Variants in RBFOX1 observed in about 807,000 individuals in gnomAD.
The protein encoded by RBFOX1 is RNA binding protein fox-1 homolog 1.
Under a neutral mutation model 57.7 loss-of-function variants are expected in RBFOX1, and 8 were observed. The observed-to-expected ratio is 0.14, with a 90% CI of 0.08 to 0.25. The LOEUF (loss-of-function observed/expected upper bound fraction) is 0.25. Ranked by LOEUF, RBFOX1 falls within the 10% of genes least tolerant of loss-of-function variation. RBFOX1 has a pLI of 1.00. For missense variants in RBFOX1, 611 were observed against 548.5 expected (o/e 1.11, Z -1.14); for synonymous variants, 326 against 222.4 (o/e 1.47, Z -4.15).
At chr16:6,845,524 G>A (rs1036116874) in intron 3 of RBFOX1, among the ~76,000 whole-genome samples, 2 of 152,128 alleles carry the variant, frequency 1.3e-5, no homozygotes, top group Non-Finnish European at 1.5e-5. Flanking sequence ...TCTGTGTTCT[G>A]TTCCGTTGGT....
chr16:6,465,936 C>G (rs754533479), intron 2 of RBFOX1, among the ~76,000 whole-genome samples: 3 of 151,470 alleles, frequency 2.0e-5, no homozygotes, highest in Non-Finnish European at 4.4e-5. Flanking sequence ...CTTAGTTTAA[C>G]CAAAAAGAAA....
intron 2 of RBFOX1, among the ~76,000 whole-genome samples, chr16:6,465,659 G>A (rs943987693): frequency 2.5e-4 from 35 of 141,306 alleles, no homozygotes; most frequent in Non-Finnish European, 3.9e-4. Context: ...TAAATTAAGC[G>A]CTATTGGAGC....
chr16:6,189,645 G>T (rs1392341056), intron 1 of RBFOX1, among the ~76,000 whole-genome samples: 3 of 152,166 alleles, frequency 2.0e-5, no homozygotes, highest in Non-Finnish European at 4.4e-5. Context: ...AAGGACAGCT[G>T]GTGGTTGCAT....
In RBFOX1 at chr16:6,626,713, T is replaced by C. The variant is rs147806693; in HGVS notation, c.-63-27890T>C. Among the ~76,000 whole-genome samples the C allele has an allele frequency of 4.8e-3, 734 of 152,034 alleles. 5 individuals carry two copies. Among genetic ancestry groups the C allele is most frequent in the African/African-American group, 0.017 (702 of 41,498 alleles). On this transcript the variant is annotated intron_variant, in intron 2 of 15. Transcript: ENST00000550418. ...AGACAGAGGTTGCAGTGAGCCAAGA[T>C]TGCACCACAGCACCCCAGCCTGGAT...
intron 3 of RBFOX1, among the ~76,000 whole-genome samples, chr16:6,884,600 A>AT (rs1259442118): frequency 3.9e-5 from 6 of 152,244 alleles, no homozygotes; most frequent in Non-Finnish European, 5.9e-5. Context: ...AGATTAAAAA[A>AT]CAAAAAAAAC....
intron 14 of RBFOX1, among the ~76,000 whole-genome samples, chr16:7,689,244 G>A (rs2147275281): frequency 6.6e-6 from 1 of 152,132 alleles, no homozygotes; most frequent in Middle Eastern, 3.4e-3. Context: ...ACTCAATTTG[G>A]CCATTTCATC....
Position 7,513,098 on chromosome 16 carries a change from C to G in RBFOX1, c.28-5049C>G, listed in dbSNP as rs543501461. 2.6e-5 allele frequency among the ~76,000 whole-genome samples: 4 copies of G among 151,974 alleles called. No homozygotes were observed. In the South Asian group the frequency reaches 8.3e-4, roughly 32 times the overall value. On this transcript the variant is annotated intron_variant, in intron 4 of 15. Coordinates refer to ENST00000550418, the MANE Select transcript of RBFOX1 (RefSeq NM_018723.4). ...GGCCAACAGTAAAACGCCGTCTCTA[C>G]TAAAAATACAAAAAATTAGCCAGTC...
chr16:5,360,899 C>G (rs1308721173), intron 1 of RBFOX1, among the ~76,000 whole-genome samples: 1 of 152,138 alleles, frequency 6.6e-6, no homozygotes, highest in Non-Finnish European at 1.5e-5. Context: ...GCAGCACAAG[C>G]ACATCAAGAG....
intron 3 of RBFOX1, among the ~76,000 whole-genome samples, chr16:5,856,604 T>TATATATATATATATATATATA (rs776623035): frequency 1.2e-4 from 8 of 68,104 alleles, no homozygotes; most frequent in Non-Finnish European, 1.5e-4. Flanking sequence ...TATATATATA[T>TATATATATATATATATATATA]AATCTTAGCC....
intron 5 of RBFOX1, among the ~76,000 whole-genome samples, chr16:7,531,588 A>C (rs1362348816): frequency 2.6e-5 from 4 of 152,148 alleles, no homozygotes; most frequent in African/African-American, 9.7e-5. Flanking sequence ...GTCTTCCATG[A>C]GCCATGCACT....
intron 1 of RBFOX1, among the ~76,000 whole-genome samples, chr16:5,313,655 C>G (rs35268438): frequency 6.6e-6 from 1 of 151,910 alleles, no homozygotes; most frequent in Non-Finnish European, 1.5e-5. Context: ...ACATGGATGG[C>G]GGCAGACAAA....
chr16:6,837,394 C>G (rs1029889007), intron 3 of RBFOX1, among the ~76,000 whole-genome samples: 1 of 152,180 alleles, frequency 6.6e-6, no homozygotes, highest in African/African-American at 2.4e-5. Flanking sequence ...TAGTGACTTC[C>G]AATCACGGTC....
intron 4 of RBFOX1, among the ~76,000 whole-genome samples, chr16:7,054,231 A>T (rs375846809): frequency 3.1e-4 from 2 of 6,414 alleles, no homozygotes; most frequent in African/African-American, 8.7e-4. Flanking sequence ...GGGGGCGGGG[A>T]GCTTTTTTTT....
At chr16:6,126,413 A>AT (rs113790517) in intron 1 of RBFOX1, among the ~76,000 whole-genome samples, 15 of 151,562 alleles carry the variant, frequency 9.9e-5, no homozygotes, top group Middle Eastern at 3.4e-3. Flanking sequence ...GGTGATTCTT[A>AT]TTTTTTTTTA....
At chr16:7,261,376 G>A (rs2094912944) in intron 4 of RBFOX1, among the ~76,000 whole-genome samples, 1 of 152,172 alleles carries the variant, frequency 6.6e-6, no homozygotes, top group Non-Finnish European at 1.5e-5. Context: ...AGACATCAAG[G>A]CAGCAGAATG....
At chr16:7,536,947 C>T (rs1438832884) in intron 5 of RBFOX1, among the ~76,000 whole-genome samples, 8 of 152,302 alleles carry the variant, frequency 5.3e-5, no homozygotes, top group African/African-American at 1.9e-4. Context: ...ATCAGTGTAG[C>T]TGTGTGGACG....
chr16:7,143,769 C>T (rs2074335950), intron 4 of RBFOX1, among the ~76,000 whole-genome samples: 1 of 151,242 alleles, frequency 6.6e-6, no homozygotes, highest in African/African-American at 2.4e-5. Flanking sequence ...TTTAGCAGTG[C>T]TTACTGAGTA....
intron 4 of RBFOX1, among the ~76,000 whole-genome samples, chr16:7,130,570 G>C (rs536080401): frequency 2.0e-5 from 3 of 152,164 alleles, no homozygotes; most frequent in African/African-American, 7.2e-5. Context: ...GAAACAGTGA[G>C]TCAGTGTGCA....
chr16:6,828,447 C>G (rs560827601), intron 3 of RBFOX1, among the ~76,000 whole-genome samples: 4 of 151,992 alleles, frequency 2.6e-5, no homozygotes, highest in Non-Finnish European at 4.4e-5. Context: ...TCACTTGAAC[C>G]CAGGAGGAAG....
Sources: allele counts gnomAD v4.1 joint callset (sites outside exome capture counted in the v4.1 genomes callset), GRCh38; gene constraint gnomAD v4.1.1; transcripts MANE v1.5; gene names NCBI Gene and HGNC (gene_info 2026-07-23, HGNC 2026-07-21).